SPMAP2L: variants seen among roughly 807,000 people sequenced by gnomAD.
SPMAP2L encodes the protein sperm microtubule associated protein 2-like.
At chr4:56,539,922 T>C in the SPMAP2L span, among the ~76,000 whole-genome samples, 200 of 152,372 alleles carry the variant, frequency 1.3e-3, 3 homozygotes, top group African/African-American at 4.4e-3. Context: ...TCTGTCTTTC[T>C]ACCTGAAAGG....
chr4:56,594,548 G>A, the SPMAP2L span: 4 of 1,609,004 alleles, frequency 2.5e-6, no homozygotes, highest in Non-Finnish European at 3.4e-6. Context: ...CACTATCCGA[G>A]CCTACTTAAA....
At chr4:56,552,889 A>G in the SPMAP2L span, among the ~76,000 whole-genome samples, 1 of 152,110 alleles carries the variant, frequency 6.6e-6, no homozygotes, top group African/African-American at 2.4e-5. Context: ...TGGGGAGTTA[A>G]AAGCTCCCCA....
the SPMAP2L span, chr4:56,600,792 G>A: frequency 2.7e-4 from 211 of 792,000 alleles, 1 homozygote; most frequent in African/African-American, 3.2e-3. Flanking sequence ...CAGGAGCAAG[G>A]ATGGAAGCAG....
At chr4:56,611,659 C>T in the SPMAP2L span, among the ~76,000 whole-genome samples, 1 of 152,132 alleles carries the variant, frequency 6.6e-6, no homozygotes, top group African/African-American at 2.4e-5. Context: ...CAGAACTCTG[C>T]CTCACAACCT....
chr4:56,571,094 A>G, the SPMAP2L span, among the ~76,000 whole-genome samples: 109,935 of 151,220 alleles, frequency 0.73, 40,738 homozygotes, highest in African/African-American at 0.88. Flanking sequence ...GTGAGCCACC[A>G]CACCTGGCCT....
chr4:56,537,789 T>A, the SPMAP2L span, among the ~76,000 whole-genome samples: 2 of 151,792 alleles, frequency 1.3e-5, no homozygotes, highest in African/African-American at 4.8e-5. Flanking sequence ...ACCTCCCGGG[T>A]TCACGCCATT....
At chr4:56,607,301 G>A in the SPMAP2L span, among the ~76,000 whole-genome samples, 398 of 152,242 alleles carry the variant, frequency 2.6e-3, 3 homozygotes, top group South Asian at 0.024. Flanking sequence ...AGAAGGTGCC[G>A]TCTTGGAAGC....
the SPMAP2L span, chr4:56,593,255 G>A: frequency 7.9e-7 from 1 of 1,259,052 alleles, no homozygotes; most frequent in South Asian, 1.2e-5. Context: ...GCTGGATGAG[G>A]GACTGCGGCT....
At chr4:56,578,314 G>A in the SPMAP2L span, among the ~76,000 whole-genome samples, 15 of 151,870 alleles carry the variant, frequency 9.9e-5, no homozygotes, top group Non-Finnish European at 5.9e-5. Flanking sequence ...GTTGTAAGAT[G>A]TACAGAGAAA....
chr4:56,622,942 G>A, the SPMAP2L span, among the ~76,000 whole-genome samples: 1 of 152,148 alleles, frequency 6.6e-6, no homozygotes, highest in Non-Finnish European at 1.5e-5. Context: ...GATGTTGAGT[G>A]GTGGGGCTGG....
chr4:56,595,212 C>T, the SPMAP2L span: 86 of 1,611,682 alleles, frequency 5.3e-5, no homozygotes, highest in Non-Finnish European at 7.0e-5. Context: ...GAATTCTTTT[C>T]AGGGGTGCAA....
At chr4:56,564,133 ATTT>A in the SPMAP2L span, among the ~76,000 whole-genome samples, 227 of 133,632 alleles carry the variant, frequency 1.7e-3, no homozygotes, top group African/African-American at 2.0e-3. Context: ...AATCTGTGGA[ATTT>A]TTTTTTTTTT....
chr4:56,596,527 C>A, the SPMAP2L span: 1 of 1,531,766 alleles, frequency 6.5e-7, no homozygotes, highest in South Asian at 1.2e-5. Flanking sequence ...ACTTTCTACC[C>A]TGAGTGCGAT....
the SPMAP2L span, among the ~76,000 whole-genome samples, chr4:56,582,842 C>A: frequency 6.8e-3 from 1,040 of 152,166 alleles, 14 homozygotes; most frequent in African/African-American, 0.024. Flanking sequence ...TGAATAGATA[C>A]ACAAAATGTG....
At chr4:56,605,272 T>C in the SPMAP2L span, among the ~76,000 whole-genome samples, 30,188 of 152,126 alleles carry the variant, frequency 0.2, 3,529 homozygotes, top group East Asian at 0.41. Context: ...GTGTCTTTGC[T>C]TTGCCAGGCC....
the SPMAP2L span, among the ~76,000 whole-genome samples, chr4:56,601,816 T>C: frequency 9.9e-5 from 15 of 152,250 alleles, no homozygotes; most frequent in African/African-American, 3.6e-4. Context: ...GTCTGATAAG[T>C]ATGTGTATGG....
chr4:56,602,585 T>C, the SPMAP2L span, among the ~76,000 whole-genome samples: 21 of 152,110 alleles, frequency 1.4e-4, no homozygotes, highest in South Asian at 3.5e-3. Context: ...GTCCCAGCTA[T>C]TTGAGAGGCC....
At chr4:56,538,422 G>A in the SPMAP2L span, among the ~76,000 whole-genome samples, 4 of 152,140 alleles carry the variant, frequency 2.6e-5, no homozygotes, top group Non-Finnish European at 5.9e-5. Context: ...ATCTTTTGTA[G>A]GGCTTTTCCT....
chr4:56,611,881 A>G, the SPMAP2L span, among the ~76,000 whole-genome samples: 1 of 152,128 alleles, frequency 6.6e-6, no homozygotes, highest in Non-Finnish European at 1.5e-5. Flanking sequence ...CCACACAAGC[A>G]GCCTCCAATC....
Sources: gnomAD v4.1 joint callset for allele counts (sites outside exome capture counted in the v4.1 genomes callset) on GRCh38, gnomAD v4.1.1 for gene constraint, MANE v1.5 for transcripts, NCBI Gene and HGNC (gene_info 2026-07-23, HGNC 2026-07-21) for gene names.